The following PARVA variants were observed in gnomAD, a reference collection of about 807,000 sequenced individuals.
The protein encoded by PARVA is alpha-parvin.
In PARVA, 25 loss-of-function variants were observed where a neutral mutation model predicts 52.6. That is an observed-to-expected ratio of 0.48 (90% CI 0.35 to 0.66). PARVA has a LOEUF of 0.66. PARVA is among the 30% of genes least tolerant of loss of function. The probability of loss-of-function intolerance (pLI) is 0.01; values close to 1 mark genes in which losing one functional copy is unlikely to be tolerated. For synonymous variants in PARVA, 185 were observed against 179.1 expected (o/e 1.03, Z -0.26); for missense variants, 373 against 450.9 (o/e 0.83, Z 1.56).
chr11:12,437,022 A>G (rs1940396029), intron 1 of PARVA, among the ~76,000 whole-genome samples: 1 of 152,222 alleles, frequency 6.6e-6, no homozygotes, highest in Non-Finnish European at 1.5e-5. Context: ...TATCATCACC[A>G]CCAAGGGAGA....
chr11:12,451,536 T>A (rs1564850492), intron 1 of PARVA, among the ~76,000 whole-genome samples: 1 of 152,180 alleles, frequency 6.6e-6, no homozygotes, highest in African/African-American at 2.4e-5. Flanking sequence ...AACTCTAGAC[T>A]TTTATATCTG....
In PARVA at chr11:12,533,586, G is replaced by A. The variant is rs900754429; in HGVS notation, c.*5661G>A. On this transcript the variant is annotated 3_prime_UTR_variant, in exon 13 of 13. Transcript: ENST00000334956. Reference sequence around the variant, plus strand: ...GCAGCTGAAAATTTGCATGTAACTTGACTCCCCCAAAACGTAACTATAATA... The same window carrying A: ...GCAGCTGAAAATTTGCATGTAACTTAACTCCCCCAAAACGTAACTATAATA... Among the ~76,000 whole-genome samples, 4 of 152,084 alleles carry A rather than the reference G, an allele frequency of 2.6e-5. No individual in the cohort carries two copies. Among genetic ancestry groups the A allele is most frequent in the African/African-American group, 9.7e-5 (4 of 41,398 alleles).
intron 5 of PARVA, among the ~76,000 whole-genome samples, chr11:12,503,578 C>T (rs945949678): frequency 1.3e-5 from 2 of 152,042 alleles, no homozygotes; most frequent in African/African-American, 4.8e-5. Flanking sequence ...TGGCAAAGAA[C>T]TGAGGGGGCC....
intron 4 of PARVA, among the ~76,000 whole-genome samples, chr11:12,490,527 AAAG>A (rs1332831865): frequency 5.9e-5 from 8 of 135,020 alleles, no homozygotes; most frequent in Non-Finnish European, 1.2e-4. Context: ...AAAAAAAAAA[AAAG>A]AGAGAGAGAG....
chr11:12,382,506 G>A (rs572194799), intron 1 of PARVA, among the ~76,000 whole-genome samples: 45 of 151,552 alleles, frequency 3.0e-4, no homozygotes, highest in African/African-American at 1.0e-3. Context: ...GTGGACCCTC[G>A]CAGTTCAAAC....
chr11:12,533,681 T>C lies in PARVA; in HGVS notation c.*5756T>C, dbSNP rs1342567182. Among the ~76,000 whole-genome samples the C allele has an allele frequency of 1.3e-5, 2 of 152,210 alleles. No individual in the cohort carries two copies. The highest frequency in any genetic ancestry group is 4.8e-5 in the African/African-American group (2 of 41,504). On this transcript the variant is annotated 3_prime_UTR_variant, in exon 13 of 13. Coordinates refer to ENST00000334956, the MANE Select transcript of PARVA (RefSeq NM_018222.5). ...GTTATGTGCATTATATACTATATCC[T>C]TACCATACGGTAAGCTAGAGAAAAA...
chr11:12,426,523 C>G (rs1940237610), intron 1 of PARVA, among the ~76,000 whole-genome samples: 1 of 150,404 alleles, frequency 6.6e-6, no homozygotes, highest in Non-Finnish European at 1.5e-5. Flanking sequence ...TTCAAAGTGC[C>G]TAAAGCCAGT....
chr11:12,388,906 A>T (rs1463875041), intron 1 of PARVA, among the ~76,000 whole-genome samples: 2 of 151,900 alleles, frequency 1.3e-5, no homozygotes, highest in Admixed American at 6.6e-5. Context: ...AAGCTTTTTT[A>T]AAAAAATTCA....
chr11:12,516,672 C>T (rs1941571350), intron 10 of PARVA, among the ~76,000 whole-genome samples: 1 of 152,230 alleles, frequency 6.6e-6, no homozygotes, highest in Non-Finnish European at 1.5e-5. Flanking sequence ...GTCCTGATTG[C>T]TTTGTTGTTT....
chr11:12,522,861 T>C (rs4756917), intron 12 of PARVA, among the ~76,000 whole-genome samples: 148,401 of 151,992 alleles, frequency 0.98, 72,543 homozygotes, highest in Middle Eastern at 1. Context: ...AGGCAACATT[T>C]GAAGCTACTG....
chr11:12,502,064 G>A (rs1403981839), intron 5 of PARVA, among the ~76,000 whole-genome samples: 1 of 152,156 alleles, frequency 6.6e-6, no homozygotes, highest in Non-Finnish European at 1.5e-5. Flanking sequence ...GGGTCACAGT[G>A]GGTCAGTGCC....
At chr11:12,438,215 G>A (rs1000815410) in intron 1 of PARVA, among the ~76,000 whole-genome samples, 10 of 150,020 alleles carry the variant, frequency 6.7e-5, no homozygotes, top group South Asian at 4.2e-4. Flanking sequence ...AGCAGAGATC[G>A]CGCCACTACA....
rs571973101 is a variant in PARVA, at chr11:12,406,661, G to GTTTTTTTTTTTT, written c.136+28894_136+28905dup. On this transcript the variant is annotated intron_variant, in intron 1 of 12. Coordinates refer to ENST00000334956, the MANE Select transcript of PARVA (RefSeq NM_018222.5). ...ATTGTTAGCTATTTAGGTTGTATCT[G>GTTTTTTTTTTTT]TTTTTTTTTTTTTTTTTTTTTTTTT... Among the ~76,000 whole-genome samples the GTTTTTTTTTTTT allele has an allele frequency of 5.0e-4, 39 of 77,790 alleles. 4 individuals are homozygous for GTTTTTTTTTTTT. Among genetic ancestry groups the GTTTTTTTTTTTT allele is most frequent in the African/African-American group, 8.1e-4 (15 of 18,482 alleles). The allele number at this position is 77,790 out of a possible 152,430, so 51.0% of individuals were successfully genotyped here.
At chr11:12,457,825 T>A (rs1940718872) in intron 1 of PARVA, among the ~76,000 whole-genome samples, 1 of 141,818 alleles carries the variant, frequency 7.1e-6, no homozygotes, top group Non-Finnish European at 1.6e-5. Flanking sequence ...CTGTGGTGAG[T>A]GAGATAGAAG....
chr11:12,511,609 A>G (rs1002470649), intron 8 of PARVA, 76 bp downstream of exon 8: 4 of 1,476,932 alleles, frequency 2.7e-6, no homozygotes, highest in Non-Finnish European at 3.8e-6. Context: ...AGCTGGGAGG[A>G]ACAGGCTCTC....
chr11:12,487,155 G>A (rs1343312309), intron 4 of PARVA, among the ~76,000 whole-genome samples: 1 of 152,148 alleles, frequency 6.6e-6, no homozygotes, highest in African/African-American at 2.4e-5. Context: ...AGTAAACCAG[G>A]CTGATTCTAT....
Position 12,441,250 on chromosome 11 carries a change from A to G in PARVA, c.137-32495A>G, listed in dbSNP as rs1051829540. 2.0e-5 allele frequency among the ~76,000 whole-genome samples: 3 copies of G among 152,300 alleles called. No homozygotes were observed. The South Asian group carries it at 6.2e-4, about 32-fold the overall frequency. ...GTTCTTTATTTTTCCTCTAGAATTG[A>G]GTTCAGACTATAGAGATGCAAAAGA... On this transcript the variant is annotated intron_variant, in intron 1 of 12. Coordinates refer to ENST00000334956, the MANE Select transcript of PARVA (RefSeq NM_018222.5).
intron 4 of PARVA, among the ~76,000 whole-genome samples, chr11:12,491,208 G>C (rs1941230092): frequency 1.3e-5 from 2 of 152,152 alleles, no homozygotes; most frequent in Non-Finnish European, 1.5e-5. Flanking sequence ...TGTTACCCAG[G>C]CTGGAGTACA....
intron 9 of PARVA, 116 bp from the exon 10 acceptor site, chr11:12,513,880 TG>T: frequency 1.1e-6 from 1 of 897,702 alleles, no homozygotes; most frequent in Non-Finnish European, 1.8e-6. Context: ...GGCTCTTGGC[TG>T]GGCCTGATCC....
Sources: allele counts gnomAD v4.1 joint callset (sites outside exome capture counted in the v4.1 genomes callset), GRCh38; gene constraint gnomAD v4.1.1; transcripts MANE v1.5; gene names NCBI Gene and HGNC (gene_info 2026-07-23, HGNC 2026-07-21).